CSF1R: variants seen among roughly 807,000 people sequenced by gnomAD.
The protein encoded by CSF1R is macrophage colony-stimulating factor 1 receptor.
A neutral mutation model predicts 110.0 loss-of-function variants in CSF1R; 40 were observed. The observed-to-expected ratio is 0.36, with a 90% CI of 0.28 to 0.47. The LOEUF (loss-of-function observed/expected upper bound fraction) is 0.47. CSF1R is among the 20% of genes least tolerant of loss of function. The pLI is 0.99. For synonymous variants in CSF1R, 523 were observed against 503.4 expected (o/e 1.04, Z -0.52); for missense variants, 1,052 against 1,253.0 (o/e 0.84, Z 2.42).
chr5:150,065,597 C>T (rs1029952482), intron 10 of CSF1R, among the ~76,000 whole-genome samples: 2 of 152,196 alleles, frequency 1.3e-5, no homozygotes, highest in Non-Finnish European at 2.9e-5. Context: ...GGCAAGGCTC[C>T]GAACCTCATG....
At chr5:150,075,071 G>A (rs1758205075) in intron 5 of CSF1R, among the ~76,000 whole-genome samples, 2 of 152,090 alleles carry the variant, frequency 1.3e-5, no homozygotes, top group South Asian at 4.2e-4. Flanking sequence ...GACTTTTGCT[G>A]CCCTTCCAGA....
chr5:150,055,955 G>T lies in CSF1R; in HGVS notation c.2554+71C>A, dbSNP rs80261465. ...CTCGCTGTGTCCTGGGCACCAAACA[G>T]CTTTGTCCACCAGTGGGGCAACCAG... On this transcript the variant is annotated intron_variant, in intron 18 of 20. Coordinates refer to ENST00000675795, the MANE Select transcript of CSF1R (RefSeq NM_001288705.3). The T allele has an allele frequency of 1.5e-3, 2,104 of 1,410,034 alleles. 49 individuals are homozygous for T. In the East Asian group the frequency reaches 0.041, roughly 28 times the overall value. The allele number at this position is 1,410,034 out of a possible 1,614,324, so 87.3% of individuals were successfully genotyped here. A position where few individuals can be genotyped will look rare whatever the true frequency, so the allele number is the denominator to read the frequency against.
chr5:150,079,663 C>T (rs756459984), intron 3 of CSF1R, among the ~76,000 whole-genome samples: 1 of 152,232 alleles, frequency 6.6e-6, no homozygotes, highest in Non-Finnish European at 1.5e-5. Context: ...ACTCACTGTC[C>T]CCCTGCTGAA....
At chr5:150,071,081 C>A (rs962092212) in intron 6 of CSF1R, among the ~76,000 whole-genome samples, 28 of 152,212 alleles carry the variant, frequency 1.8e-4, no homozygotes, top group African/African-American at 5.8e-4. Context: ...TGATCCCTCA[C>A]TTCCTTTGCT....
intron 1 of CSF1R, among the ~76,000 whole-genome samples, chr5:150,102,681 TG>T (rs1036697508): frequency 6.6e-6 from 1 of 152,200 alleles, no homozygotes; most frequent in Non-Finnish European, 1.5e-5. Context: ...GGTTTCACCA[TG>T]TTGACCAGGC....
At chr5:150,061,659 G>A (rs763228291) in intron 11 of CSF1R, 64 bp from the exon 12 acceptor site, 9 of 1,614,134 alleles carry the variant, frequency 5.6e-6, no homozygotes, top group Non-Finnish European at 7.6e-6. Flanking sequence ...AGGGCCCATG[G>A]GCTCCCTGCA....
At chr5:150,081,139 C>A (rs1758524587) in intron 1 of CSF1R, 115 bp from the exon 2 acceptor site, 1 of 1,194,230 alleles carries the variant, frequency 8.4e-7, no homozygotes, top group Non-Finnish European at 1.2e-6. Context: ...CATCAAGGGA[C>A]CACCTTGAAC....
chr5:150,111,193 C>G (rs1226188654), intron 1 of CSF1R, among the ~76,000 whole-genome samples: 1 of 152,148 alleles, frequency 6.6e-6, no homozygotes, highest in East Asian at 1.9e-4. Flanking sequence ...GCTGTGAGAC[C>G]CTCATCAGCT....
rs774260715 is a variant in CSF1R, at chr5:150,056,357, G to A, written c.2320-16C>T. On this transcript the variant is annotated splice_polypyrimidine_tract_variant and intron_variant, in intron 16 of 20. Coordinates refer to ENST00000675795, the MANE Select transcript of CSF1R (RefSeq NM_001288705.3). ...GGTGGATGCACTGAGGGAAAGCACT[G>A]CAGGGTTAGTCTTGGGCCTTCTCCT... The A allele has an allele frequency of 6.2e-7, 1 of 1,614,046 alleles. No homozygotes were observed. The highest frequency in any genetic ancestry group is 1.1e-5 in the South Asian group (1 of 91,062).
intron 10 of CSF1R, among the ~76,000 whole-genome samples, chr5:150,066,479 G>A (rs927439966): frequency 6.6e-6 from 1 of 152,208 alleles, no homozygotes; most frequent in East Asian, 1.9e-4. Flanking sequence ...GGGGCTGTTA[G>A]AGAACACCCA....
At chr5:150,059,619 C>G in intron 14 of CSF1R, 81 bp downstream of exon 14, 1 of 1,548,022 alleles carries the variant, frequency 6.5e-7, no homozygotes. Flanking sequence ...ATGAGCCATC[C>G]AACCCTGAGC....
In CSF1R at chr5:150,054,000, G is replaced by C; in HGVS notation, c.*69C>G. 3.4e-6 allele frequency: 5 copies of C among 1,473,648 alleles called. No individual in the cohort carries two copies. Among genetic ancestry groups the C allele is most frequent in the Non-Finnish European group, 4.7e-6 (5 of 1,065,532 alleles). The allele number at this position is 1,473,648 out of a possible 1,614,324, so 91.3% of individuals were successfully genotyped here. A position where few individuals can be genotyped will look rare whatever the true frequency, so the allele number is the denominator to read the frequency against. On this transcript the variant is annotated 3_prime_UTR_variant, in exon 21 of 21. Coordinates refer to ENST00000675795, the MANE Select transcript of CSF1R (RefSeq NM_001288705.3). ...AAGGCAGAGTTTGTATGTTCTCCCC[G>C]TGTCGCCCCATCCATGGAGGAGTTG...
At position 150,068,208 on chromosome 5, in the gene CSF1R, G is replaced by A. The variant is rs34928010; in HGVS notation, c.1626+7C>T. 111,451 of 1,605,754 alleles carry A rather than the reference G, an allele frequency of 0.069. 7,894 individuals carry two copies. The highest frequency in any genetic ancestry group is 0.27 in the African/African-American group (20,123 of 74,744). Reference sequence around the variant, plus strand: ...GCACCTGGCAGCCCCACTCCGCTCCGGCTCACCTGCTTATACTTGTACAAT... The same window carrying A: ...GCACCTGGCAGCCCCACTCCGCTCCAGCTCACCTGCTTATACTTGTACAAT... On this transcript the variant is annotated splice_region_variant and intron_variant, in intron 10 of 20. Coordinates refer to ENST00000675795, the MANE Select transcript of CSF1R (RefSeq NM_001288705.3).
intron 1 of CSF1R, among the ~76,000 whole-genome samples, chr5:150,082,926 T>C (rs1003167811): frequency 1.3e-5 from 2 of 152,300 alleles, no homozygotes; most frequent in South Asian, 2.1e-4. Flanking sequence ...GTTCCTTTTT[T>C]ACACCTGCCT....
intron 10 of CSF1R, among the ~76,000 whole-genome samples, chr5:150,062,113 A>G (rs1409894201): frequency 6.6e-6 from 1 of 152,024 alleles, no homozygotes. Context: ...GGACAAGACA[A>G]CCTCTGAGGG....
chr5:150,055,086 T>C, intron 19 of CSF1R, 151 bp downstream of exon 19: 2 of 596,578 alleles, frequency 3.4e-6, no homozygotes, highest in Non-Finnish European at 5.9e-6. Context: ...TAGCTTGAAC[T>C]CAAAAGGGGC....
intron 1 of CSF1R, among the ~76,000 whole-genome samples, chr5:150,092,626 A>G (rs73275691): frequency 0.024 from 3,592 of 152,284 alleles, 151 homozygotes; most frequent in African/African-American, 0.082. Flanking sequence ...GCAAAAGAGT[A>G]TATGCAGGGG....
rs186867171 is a variant in CSF1R, at chr5:150,077,406, A to G, written c.759T>C (p.His253=). The part of the protein sequence containing the change: ...KLAIPQQSDF[H]NNRYQKVLTL... ...TCAGGACTTTTTGGTAACGGTTATT[A>G]TGAAAGTCAGATTGTTGAGGGATTG... The change falls in exon 5 of 21, where the codon CAT becomes CAC. Residue 253 remains histidine (H), a synonymous_variant. Transcript: ENST00000675795. 2.3e-5 allele frequency: 37 copies of G among 1,613,664 alleles called. No individual in the cohort carries two copies. In the Admixed American group the frequency reaches 4.5e-4, roughly 20 times the overall value.
Position 150,068,137 on chromosome 5 carries a change from T to G in CSF1R, c.1626+78A>C, listed in dbSNP as rs1757856658. On this transcript the variant is annotated intron_variant, in intron 10 of 20. Coordinates refer to ENST00000675795, the MANE Select transcript of CSF1R (RefSeq NM_001288705.3). ...TGGACTGACTGAGGAGGAGGAAGGG[T>G]GAATCCATGCAGCCTGGGGGTACCA... The G allele has an allele frequency of 9.1e-6, 10 of 1,099,374 alleles. No individual in the cohort carries two copies. In the South Asian group the frequency reaches 1.2e-4, roughly 14 times the overall value. 68.1% of individuals were successfully genotyped at this position (1,099,374 alleles called of 1,614,324 possible). A position where few individuals can be genotyped will look rare whatever the true frequency, so the allele number is the denominator to read the frequency against.
Sources: allele counts gnomAD v4.1 joint callset (sites outside exome capture counted in the v4.1 genomes callset), GRCh38; gene constraint gnomAD v4.1.1; transcripts MANE v1.5; gene names NCBI Gene and HGNC (gene_info 2026-07-23, HGNC 2026-07-21).